UGT1A8: variants seen among roughly 807,000 people sequenced by gnomAD.
The protein encoded by UGT1A8 is UDP glucuronosyltransferase family 1 member A8.
A neutral mutation model predicts 45.3 loss-of-function variants in UGT1A8; 39 were observed. The observed-to-expected ratio is 0.86, with a 90% CI of 0.67 to 1.12. The LOEUF (loss-of-function observed/expected upper bound fraction) is 1.12. Among genes scored for constraint, UGT1A8 ranks in the 50% most tolerant of loss-of-function variants. The probability of loss-of-function intolerance (pLI) is 0.00; values close to 1 mark genes in which losing one functional copy is unlikely to be tolerated. For synonymous variants in UGT1A8, 275 were observed against 249.2 expected, an observed-to-expected ratio of 1.10 and a Z score of -0.97; for missense variants, 719 against 664.9, an observed-to-expected ratio of 1.08 and a Z score of -0.90.
intron 1 of UGT1A8, among the ~76,000 whole-genome samples, chr2:233,620,057 T>C (rs1431343309): frequency 6.6e-6 from 1 of 152,220 alleles, no homozygotes; most frequent in Non-Finnish European, 1.5e-5. Flanking sequence ...GGATGGAGTA[T>C]ACATTTTTGT....
intron 1 of UGT1A8, among the ~76,000 whole-genome samples, chr2:233,623,860 T>A (rs2073053169): frequency 6.6e-6 from 1 of 152,112 alleles, no homozygotes; most frequent in African/African-American, 2.4e-5. Context: ...AGCATCAGAC[T>A]CCAAGACCAT....
intron 1 of UGT1A8, among the ~76,000 whole-genome samples, chr2:233,643,935 T>A (rs1257093491): frequency 6.6e-6 from 1 of 152,030 alleles, no homozygotes; most frequent in East Asian, 1.9e-4. Context: ...CAAGACAAAG[T>A]CCTCCCCACT....
At chr2:233,739,410 G>A (rs1691084493) in intron 1 of UGT1A8, among the ~76,000 whole-genome samples, 1 of 152,204 alleles carries the variant, frequency 6.6e-6, no homozygotes, top group Non-Finnish European at 1.5e-5. Flanking sequence ...GCCACCCTCT[G>A]AAAGCAGCCA....
chr2:233,754,621 C>T (rs773983465), intron 1 of UGT1A8: 4 of 441,750 alleles, frequency 9.1e-6, no homozygotes, highest in South Asian at 6.4e-5. Flanking sequence ...TCTTCCTCCA[C>T]TTCCACCCTT....
intron 1 of UGT1A8, chr2:233,636,376 C>T: frequency 7.7e-7 from 1 of 1,291,666 alleles, no homozygotes; most frequent in Non-Finnish European, 1.0e-6. Flanking sequence ...ATGAGTAAAT[C>T]ATTGGCAGTG....
chr2:233,709,436 G>A (rs1274311484), intron 1 of UGT1A8, among the ~76,000 whole-genome samples: 1 of 152,092 alleles, frequency 6.6e-6, no homozygotes, highest in African/African-American at 2.4e-5. Context: ...CAGAAAGGAT[G>A]ACCTGCCGAC....
At chr2:233,734,752 T>C (rs1438884438) in intron 1 of UGT1A8, among the ~76,000 whole-genome samples, 1 of 152,248 alleles carries the variant, frequency 6.6e-6, no homozygotes, top group African/African-American at 2.4e-5. Context: ...TCTTTATTTC[T>C]GCCTTCACTT....
intron 1 of UGT1A8, among the ~76,000 whole-genome samples, chr2:233,749,893 C>T (rs141027223): frequency 6.6e-6 from 1 of 151,938 alleles, no homozygotes; most frequent in African/African-American, 2.4e-5. Context: ...GAGGCTCCCC[C>T]CTCCAGCCAC....
At chr2:233,730,836 G>C (rs1337696398) in intron 1 of UGT1A8, among the ~76,000 whole-genome samples, 1 of 152,122 alleles carries the variant, frequency 6.6e-6, no homozygotes, top group African/African-American at 2.4e-5. Flanking sequence ...CTCAGGAGAG[G>C]CTCATCACAT....
At chr2:233,671,970 A>G (rs1457594070) in intron 1 of UGT1A8, 10 of 1,613,648 alleles carry the variant, frequency 6.2e-6, no homozygotes, top group East Asian at 2.2e-5. Flanking sequence ...CCCTTCCTCT[A>G]TGTGTGTGTC....
intron 1 of UGT1A8, among the ~76,000 whole-genome samples, chr2:233,758,520 T>A (rs1404036248): frequency 1.3e-5 from 2 of 152,094 alleles, no homozygotes; most frequent in African/African-American, 4.8e-5. Context: ...CAACAAAGAG[T>A]GAAAGCATTG....
At chr2:233,625,748 A>T (rs544966256) in intron 1 of UGT1A8, among the ~76,000 whole-genome samples, 1 of 151,796 alleles carries the variant, frequency 6.6e-6, no homozygotes, top group East Asian at 1.9e-4. Context: ...GTGGGTACTC[A>T]TGGGCATAAA....
At chr2:233,718,741 C>T in intron 1 of UGT1A8, 2 of 1,611,932 alleles carry the variant, frequency 1.2e-6, no homozygotes, top group Non-Finnish European at 1.7e-6. Flanking sequence ...GGCTCAATGA[C>T]AAGGTAATTA....
intron 1 of UGT1A8, among the ~76,000 whole-genome samples, chr2:233,724,378 G>A (rs1437497782): frequency 1.4e-5 from 2 of 146,678 alleles, no homozygotes; most frequent in East Asian, 2.1e-4. Flanking sequence ...TGGCTGCCGG[G>A]CGGAGACGCT....
intron 1 of UGT1A8, among the ~76,000 whole-genome samples, chr2:233,694,677 G>C (rs910499243): frequency 6.6e-6 from 1 of 152,150 alleles, no homozygotes; most frequent in African/African-American, 2.4e-5. Context: ...GCCTCAAACA[G>C]GTCCCAAAGA....
At chr2:233,626,817 T>G (rs2073091946) in intron 1 of UGT1A8, among the ~76,000 whole-genome samples, 2 of 152,090 alleles carry the variant, frequency 1.3e-5, no homozygotes, top group Admixed American at 1.3e-4. Flanking sequence ...ACACCTTCAG[T>G]GTTGAACTCA....
At position 233,738,264 on chromosome 2, in the gene UGT1A8, G is replaced by A. The variant is rs569089300; in HGVS notation, c.856-28770G>A. 5.9e-5 allele frequency among the ~76,000 whole-genome samples: 9 copies of A among 152,250 alleles called. No individual in the cohort carries two copies. The East Asian group carries it at 1.7e-3, about 29-fold the overall frequency. On this transcript the variant is annotated intron_variant, in intron 1 of 4. Transcript: ENST00000373450. ...CCACATGGAACTGGAGTCAATTAAA[G>A]CTCTTTCCTTTATAAATTACCCAGT...
At chr2:233,669,363 G>A (rs2074136409) in intron 1 of UGT1A8, among the ~76,000 whole-genome samples, 1 of 152,056 alleles carries the variant, frequency 6.6e-6, no homozygotes, top group East Asian at 1.9e-4. Context: ...TAGCCTGCTG[G>A]AATTTAGATT....
intron 1 of UGT1A8, among the ~76,000 whole-genome samples, chr2:233,646,617 T>G (rs911858541): frequency 6.0e-5 from 9 of 149,288 alleles, no homozygotes; most frequent in Non-Finnish European, 1.2e-4. Flanking sequence ...ATGCTGCCAG[T>G]CTCTTTGCTA....
Sources: gnomAD v4.1 joint callset for allele counts (sites outside exome capture counted in the v4.1 genomes callset) on GRCh38, gnomAD v4.1.1 for gene constraint, MANE v1.5 for transcripts, NCBI Gene and HGNC (gene_info 2026-07-23, HGNC 2026-07-21) for gene names.